Variants in NCALD observed in about 807,000 individuals in gnomAD.
NCALD encodes neurocalcin delta.
Under a neutral mutation model 18.6 loss-of-function variants are expected in NCALD, and 10 were observed. The ratio of observed to expected loss-of-function variants is 0.54; its 90% confidence interval spans 0.33 to 0.91. The LOEUF (loss-of-function observed/expected upper bound fraction) is 0.91. NCALD is among the 40% of genes least tolerant of loss of function. The pLI is 0.03. For missense variants in NCALD, 184 were observed against 247.6 expected (o/e 0.74, Z 1.72); for synonymous variants, 88 against 87.4 (o/e 1.01, Z -0.04).
chr8:101,945,273 G>T (rs548154393), intron 2 of NCALD, among the ~76,000 whole-genome samples: 13 of 152,254 alleles, frequency 8.5e-5, no homozygotes, highest in African/African-American at 3.1e-4. Flanking sequence ...AGGCTCTGGG[G>T]ATAGAAGATC....
intron 2 of NCALD, among the ~76,000 whole-genome samples, chr8:101,964,785 A>T (rs1052699483): frequency 6.6e-6 from 1 of 152,232 alleles, no homozygotes; most frequent in Admixed American, 6.5e-5. Flanking sequence ...ATTTTGAAAG[A>T]AGAATGATAT....
At position 101,889,491 on chromosome 8, in the gene NCALD, T is replaced by C. The variant is rs76393857; in HGVS notation, c.-106-2264A>G. Among the ~76,000 whole-genome samples the C allele has an allele frequency of 1.9e-3, 287 of 152,352 alleles. 6 individuals are homozygous for C. The East Asian group carries it at 0.047, about 25-fold the overall frequency. Reference sequence around the variant, plus strand: ...TTAAAAGCAGAACCCATACTCTGAATACTATACAAACAGGCATTTTAAATG... The same window carrying C: ...TTAAAAGCAGAACCCATACTCTGAACACTATACAAACAGGCATTTTAAATG... On this transcript the variant is annotated intron_variant, in intron 3 of 6. Coordinates refer to the NCALD transcript ENST00000311028.
chr8:101,856,767 T>C (rs2131352268), intron 4 of NCALD, among the ~76,000 whole-genome samples: 1 of 152,162 alleles, frequency 6.6e-6, no homozygotes, highest in South Asian at 2.1e-4. Context: ...CAAAGCCAGA[T>C]CCAGTCCTCA....
At position 101,832,935 on chromosome 8, in the gene NCALD, C is replaced by T. The variant is rs189405749; in HGVS notation, c.-20+54206G>A. Among the ~76,000 whole-genome samples the T allele has an allele frequency of 2.0e-3, 310 of 152,298 alleles. 1 individual carries two copies. The highest frequency in any genetic ancestry group is 7.1e-3 in the African/African-American group (296 of 41,568). On this transcript the variant is annotated intron_variant, in intron 4 of 6. Transcript: ENST00000311028. ...TTTCCCAGTTATTTTTAGAAAAGTA[C>T]CCACAGTAGAAGCAGCTCTAGAACA...
Position 101,940,949 on chromosome 8 carries a change from A to C in NCALD, c.-156-25091T>G, listed in dbSNP as rs1400164931. Among the ~76,000 whole-genome samples the C allele has an allele frequency of 2.6e-5, 4 of 152,334 alleles. No homozygotes were observed. The East Asian group carries it at 7.7e-4, about 29-fold the overall frequency. ...TATAAAATAATTTTAAGATAAAATT[A>C]AGAATGCTTATTAAAAGGATTTTTT... On this transcript the variant is annotated intron_variant, in intron 2 of 6. Coordinates refer to the NCALD transcript ENST00000311028.
At chr8:101,972,898 A>T (rs928754577) in intron 2 of NCALD, among the ~76,000 whole-genome samples, 8 of 152,190 alleles carry the variant, frequency 5.3e-5, no homozygotes, top group Non-Finnish European at 1.0e-4. Context: ...CTCACAACAA[A>T]CAGTTTGTTC....
intron 1 of NCALD, among the ~76,000 whole-genome samples, chr8:102,076,627 G>A (rs1276269328): frequency 3.3e-5 from 5 of 152,092 alleles, no homozygotes; most frequent in African/African-American, 1.2e-4. Context: ...GAGGATCTAG[G>A]GAACCAACAC....
intron 3 of NCALD, among the ~76,000 whole-genome samples, chr8:101,690,147 T>G (rs1212337980): frequency 7.3e-6 from 1 of 136,318 alleles, no homozygotes. Flanking sequence ...CTGCTTACTC[T>G]GGAGCACGTA....
intron 4 of NCALD, among the ~76,000 whole-genome samples, chr8:101,853,830 C>T (rs1224968786): frequency 1.3e-5 from 2 of 151,970 alleles, no homozygotes; most frequent in East Asian, 3.9e-4. Flanking sequence ...CCCAGGGGAC[C>T]CTGCTCCCCC....
At chr8:102,106,906 C>T (rs933266677) in intron 1 of NCALD, among the ~76,000 whole-genome samples, 2 of 151,986 alleles carry the variant, frequency 1.3e-5, no homozygotes, top group African/African-American at 4.8e-5. Context: ...TCCTATGACA[C>T]TTCCTGTGTC....
At chr8:102,077,309 G>T (rs1185607918) in intron 1 of NCALD, among the ~76,000 whole-genome samples, 1 of 152,134 alleles carries the variant, frequency 6.6e-6, no homozygotes, top group East Asian at 1.9e-4. Context: ...CCTCCACAGG[G>T]TTCAAAATAC....
At chr8:101,931,394 A>T (rs895071485) in intron 2 of NCALD, among the ~76,000 whole-genome samples, 3 of 152,236 alleles carry the variant, frequency 2.0e-5, no homozygotes, top group Non-Finnish European at 4.4e-5. Context: ...TGTTAACAAC[A>T]TCAGATATAC....
At chr8:101,858,821 A>C (rs1464483257) in intron 4 of NCALD, among the ~76,000 whole-genome samples, 1 of 152,164 alleles carries the variant, frequency 6.6e-6, no homozygotes, top group Non-Finnish European at 1.5e-5. Flanking sequence ...AGTGCACTTA[A>C]TTATGAATGG....
At chr8:101,897,631 G>T (rs1817250428) in intron 3 of NCALD, among the ~76,000 whole-genome samples, 1 of 152,146 alleles carries the variant, frequency 6.6e-6, no homozygotes, top group African/African-American at 2.4e-5. Context: ...TTATGTACAG[G>T]CTTTGTGTAG....
intron 4 of NCALD, among the ~76,000 whole-genome samples, chr8:101,830,167 G>C (rs1357322282): frequency 2.0e-5 from 3 of 152,118 alleles, no homozygotes; most frequent in Admixed American, 6.5e-5. Flanking sequence ...TGATCTCAAT[G>C]GAGTGTTAAT....
chr8:101,925,211 T>C (rs1818293342), intron 2 of NCALD, among the ~76,000 whole-genome samples: 1 of 152,164 alleles, frequency 6.6e-6, no homozygotes, highest in Admixed American at 6.5e-5. Context: ...CCATGTCACC[T>C]GCGATGCTCC....
At chr8:102,046,472 T>A (rs892146477) in intron 1 of NCALD, among the ~76,000 whole-genome samples, 1 of 152,134 alleles carries the variant, frequency 6.6e-6, no homozygotes, top group Non-Finnish European at 1.5e-5. Context: ...TTATTATAGG[T>A]TTATCTTAAT....
At chr8:102,025,105 G>T (rs1301778643) in intron 1 of NCALD, among the ~76,000 whole-genome samples, 1 of 152,122 alleles carries the variant, frequency 6.6e-6, no homozygotes, top group Non-Finnish European at 1.5e-5. Flanking sequence ...CTCCTCCTAG[G>T]CTCGGCTCTA....
chr8:102,073,576 A>C (rs1480474871), intron 1 of NCALD, among the ~76,000 whole-genome samples: 1 of 152,154 alleles, frequency 6.6e-6, no homozygotes, highest in Non-Finnish European at 1.5e-5. Flanking sequence ...TTTAAAACAA[A>C]ACAAAATATA....
Sources: gnomAD v4.1 joint callset for allele counts (sites outside exome capture counted in the v4.1 genomes callset) on GRCh38, gnomAD v4.1.1 for gene constraint, MANE v1.5 for transcripts, NCBI Gene and HGNC (gene_info 2026-07-23, HGNC 2026-07-21) for gene names.